Variants in ITSN2 observed in about 807,000 individuals in gnomAD.
The protein encoded by ITSN2 is intersectin-2.
In ITSN2, 156 loss-of-function variants were observed where a neutral mutation model predicts 243.7. That is an observed-to-expected ratio of 0.64 (90% CI 0.56 to 0.73). The LOEUF (loss-of-function observed/expected upper bound fraction) is 0.73. Ranked by LOEUF, ITSN2 falls within the 30% of genes least tolerant of loss-of-function variation. ITSN2 has a pLI of 0.00. For synonymous variants in ITSN2, 703 were observed against 699.9 expected (o/e 1.00, Z -0.07); for missense variants, 1,801 against 1,996.1 (o/e 0.90, Z 1.86).
intron 1 of ITSN2, among the ~76,000 whole-genome samples, chr2:24,359,478 C>T (rs928574456): frequency 6.6e-6 from 1 of 152,146 alleles, no homozygotes; most frequent in South Asian, 2.1e-4. Flanking sequence ...AGTATTAACA[C>T]AAGTTTCAAA....
At chr2:24,262,794 G>A (rs1183788321) in intron 20 of ITSN2, among the ~76,000 whole-genome samples, 1 of 152,164 alleles carries the variant, frequency 6.6e-6, no homozygotes, top group Non-Finnish European at 1.5e-5. Context: ...GAACTTCCAA[G>A]TCAACTTTAA....
chr2:24,251,073 C>A (rs575954177), intron 25 of ITSN2, among the ~76,000 whole-genome samples: 1 of 151,338 alleles, frequency 6.6e-6, no homozygotes, highest in Admixed American at 6.6e-5. Context: ...GCCTGTAATC[C>A]CAGCACTTTG....
At position 24,278,645 on chromosome 2, in the gene ITSN2, C is replaced by CTTTT. The variant is rs908928502; in HGVS notation, c.1945-2800_1945-2797dup. Among the ~76,000 whole-genome samples the CTTTT allele has an allele frequency of 1.9e-3, 196 of 103,004 alleles. 1 individual carries two copies. Among genetic ancestry groups the CTTTT allele is most frequent in the African/African-American group, 6.3e-3 (151 of 24,044 alleles). The allele number at this position is 103,004 out of a possible 152,430, so 67.6% of individuals were successfully genotyped here. On this transcript the variant is annotated intron_variant, in intron 17 of 39. Transcript: ENST00000355123. ...GAATTCATTAAGAGTTGTTCTCAAT[C>CTTTT]TTTTTTTTTTTTTTTTTTTTTTTTG...
intron 17 of ITSN2, among the ~76,000 whole-genome samples, chr2:24,280,635 C>T (rs1678656835): frequency 6.6e-6 from 1 of 152,162 alleles, no homozygotes. Flanking sequence ...AGGATAACTA[C>T]AGTATTTTCC....
intron 5 of ITSN2, among the ~76,000 whole-genome samples, chr2:24,311,122 A>G (rs1228795611): frequency 1.3e-5 from 2 of 151,982 alleles, no homozygotes; most frequent in Non-Finnish European, 2.9e-5. Flanking sequence ...TACTCCCCCC[A>G]AACAAAAAGG....
intron 1 of ITSN2, among the ~76,000 whole-genome samples, chr2:24,339,470 CA>C (rs56081206): frequency 0.19 from 15,240 of 79,530 alleles, 1,100 homozygotes; most frequent in African/African-American, 0.35. Flanking sequence ...GACGCCGTCT[CA>C]AAAAAAAAAA....
At chr2:24,220,786 T>C (rs925356497) in intron 30 of ITSN2, 159 bp downstream of exon 30, 158 of 1,424,696 alleles carry the variant, frequency 1.1e-4, no homozygotes, top group Non-Finnish European at 1.4e-4. Flanking sequence ...GAGACAGCAT[T>C]TGGAGGATGT....
intron 8 of ITSN2, among the ~76,000 whole-genome samples, chr2:24,304,271 A>G (rs1226967931): frequency 6.6e-6 from 1 of 152,214 alleles, no homozygotes; most frequent in Non-Finnish European, 1.5e-5. Flanking sequence ...CTCTGGGTTC[A>G]GCCTGAGTCA....
chr2:24,267,687 T>C (rs1468128069), intron 20 of ITSN2, among the ~76,000 whole-genome samples: 1 of 152,106 alleles, frequency 6.6e-6, no homozygotes, highest in African/African-American at 2.4e-5. Flanking sequence ...CCACAGCAGG[T>C]GGGACTACAG....
chr2:24,270,879 A>G, intron 19 of ITSN2, 111 bp from the exon 20 acceptor site: 1 of 604,992 alleles, frequency 1.7e-6, no homozygotes, highest in Non-Finnish European at 3.0e-6. Flanking sequence ...AAATACTACA[A>G]TGAAAATCCA....
chr2:24,347,628 G>T (rs1244300801), intron 1 of ITSN2, among the ~76,000 whole-genome samples: 1 of 152,102 alleles, frequency 6.6e-6, no homozygotes, highest in Admixed American at 6.5e-5. Context: ...GTAGGTTGCG[G>T]TGAGCTGAGA....
At chr2:24,254,085 C>T (rs1352880148) in intron 24 of ITSN2, among the ~76,000 whole-genome samples, 1 of 152,128 alleles carries the variant, frequency 6.6e-6, no homozygotes, top group Non-Finnish European at 1.5e-5. Flanking sequence ...TCAATAATTG[C>T]AACACTTTTT....
Position 24,295,798 on chromosome 2 carries a change from T to C in ITSN2, c.1501A>G (p.Lys501Glu). Residue 501 changes from lysine (K) to glutamate (E), a missense_variant, in exon 14 of 40, where the codon AAA becomes GAA. Physicochemically the swap from Lys to Glu is moderately conservative, Grantham distance 56. Coordinates refer to ENST00000355123, the MANE Select transcript of ITSN2 (RefSeq NM_006277.3). Reference protein sequence around the residue: ...LHLELEALNGKHQQISGRLQD... With the variant: ...LHLELEALNGEHQQISGRLQD... ...AGTCTGCCTGAGATCTGCTGATGTT[T>C]GCCATTCTATAGGAAGATCATATAA... 1 of 1,536,186 alleles carries C rather than the reference T, an allele frequency of 6.5e-7. No homozygotes were observed. The highest frequency in any genetic ancestry group is 8.7e-7 in the Non-Finnish European group (1 of 1,150,230).
intron 25 of ITSN2, among the ~76,000 whole-genome samples, chr2:24,250,468 G>T (rs954134660): frequency 6.6e-5 from 10 of 152,116 alleles, no homozygotes; most frequent in Non-Finnish European, 1.5e-4. Context: ...ATGAGTGGTG[G>T]TATTAACACA....
chr2:24,213,936 C>T (rs140781461), intron 32 of ITSN2, among the ~76,000 whole-genome samples: 78 of 152,284 alleles, frequency 5.1e-4, no homozygotes, highest in African/African-American at 1.8e-3. Flanking sequence ...ATACGATAAT[C>T]ATTTATTGAA....
At chr2:24,272,865 C>T (rs143323660) in intron 18 of ITSN2, among the ~76,000 whole-genome samples, 67 of 152,264 alleles carry the variant, frequency 4.4e-4, no homozygotes, top group African/African-American at 1.6e-3. Context: ...TGGTTTCCAG[C>T]CAGTCAAGGT....
intron 29 of ITSN2, among the ~76,000 whole-genome samples, chr2:24,230,545 A>C (rs1226902154): frequency 6.6e-6 from 1 of 152,140 alleles, no homozygotes; most frequent in African/African-American, 2.4e-5. Context: ...AGGTGGGTGG[A>C]TCACCTGAGG....
chr2:24,303,760 T>C (rs937213959), intron 9 of ITSN2, 39 bp downstream of exon 9: 6 of 1,223,684 alleles, frequency 4.9e-6, no homozygotes, highest in East Asian at 4.7e-5. Flanking sequence ...AATTAATGCA[T>C]AGTTAAATTA....
At chr2:24,315,798 A>C (rs546146023) in intron 2 of ITSN2, among the ~76,000 whole-genome samples, 1 of 152,246 alleles carries the variant, frequency 6.6e-6, no homozygotes, top group Non-Finnish European at 1.5e-5. Context: ...CCACGTTAAG[A>C]TGTGCTTTGC....
Sources: gnomAD v4.1 joint callset for allele counts (sites outside exome capture counted in the v4.1 genomes callset) on GRCh38, gnomAD v4.1.1 for gene constraint, MANE v1.5 for transcripts, NCBI Gene and HGNC (gene_info 2026-07-23, HGNC 2026-07-21) for gene names.